Variants in UHRF2 observed in about 807,000 individuals in gnomAD.
The protein encoded by UHRF2 is E3 ubiquitin-protein ligase UHRF2.
Under a neutral mutation model 96.8 loss-of-function variants are expected in UHRF2, and 23 were observed. That is an observed-to-expected ratio of 0.24 (90% CI 0.17 to 0.34). The LOEUF is 0.34. Ranked by LOEUF, UHRF2 falls within the 10% of genes least tolerant of loss-of-function variation. The pLI is 1.00. For synonymous variants in UHRF2, 385 were observed against 332.6 expected (o/e 1.16, Z -1.72); for missense variants, 685 against 981.5 (o/e 0.70, Z 4.04).
rs539613475 is a variant in UHRF2, at chr9:6,494,730, G to A, written c.1604+798G>A. The A allele has an allele frequency of 2.4e-4, 36 of 152,204 alleles. No individual in the cohort carries two copies. In the South Asian group the frequency reaches 4.1e-3, roughly 18 times the overall value. 9.4% of individuals were successfully genotyped at this position (152,204 alleles called of 1,614,324 possible). ...ATCCTGTTACTAAGGGTATTTTGTCGATTGAGTAAAAGTGAGTGTTTTTCA... is the reference window on the plus strand; with the variant it reads ...ATCCTGTTACTAAGGGTATTTTGTCAATTGAGTAAAAGTGAGTGTTTTTCA... On this transcript the variant is annotated intron_variant, in intron 10 of 15. Coordinates refer to ENST00000276893, the MANE Select transcript of UHRF2 (RefSeq NM_152896.3).
At position 6,413,609 on chromosome 9, in the gene UHRF2, C is replaced by T; in HGVS notation, c.119C>T (p.Pro40Leu). The change falls in exon 1 of 16, where the codon CCC becomes CTC. Residue 40 changes from proline (P) to leucine (L), a missense_variant. Coordinates refer to ENST00000276893, the MANE Select transcript of UHRF2 (RefSeq NM_152896.3). ...GTGTGGGCGCTGTTCGACGTGCGGC[C>T]CGAATGCCAGCGCCTCTTCTACCGG... is the stretch of plus-strand genomic sequence containing the variant. Reference protein sequence around the residue: ...ERVWALFDVRPECQRLFYRGK... With the variant: ...ERVWALFDVRLECQRLFYRGK... The T allele has an allele frequency of 6.3e-7, 1 of 1,599,626 alleles. No individual in the cohort carries two copies. Among genetic ancestry groups the T allele is most frequent in the Non-Finnish European group, 8.5e-7 (1 of 1,173,984 alleles).
intron 14 of UHRF2, 24 bp from the exon 15 acceptor site, chr9:6,504,568 TC>T (rs1324224004): frequency 2.6e-6 from 4 of 1,568,188 alleles, no homozygotes; most frequent in Non-Finnish European, 3.5e-6. Context: ...AACTTTTCTT[TC>T]CTTATCCTTG....
intron 9 of UHRF2, among the ~76,000 whole-genome samples, chr9:6,488,535 CTTTTCTTTTTTT>C (rs1159159443): frequency 8.8e-5 from 10 of 113,478 alleles, no homozygotes; most frequent in African/African-American, 3.6e-4. Context: ...TTCTCTTTTT[CTTTTCTTTTTTT>C]TTTTTTTTTT....
intron 10 of UHRF2, chr9:6,496,941 C>G: frequency 2.8e-6 from 1 of 356,356 alleles, no homozygotes; most frequent in Non-Finnish European, 5.1e-6. Context: ...ATACGTGGCA[C>G]AGATGTTATT....
intron 3 of UHRF2, among the ~76,000 whole-genome samples, chr9:6,448,801 T>C (rs1319122918): frequency 3.3e-5 from 5 of 152,242 alleles, no homozygotes; most frequent in Non-Finnish European, 5.9e-5. Flanking sequence ...AGACTACTTG[T>C]CTTCATTGTA....
At chr9:6,413,784 C>T in intron 1 of UHRF2, 141 bp downstream of exon 1, 2 of 1,124,950 alleles carry the variant, frequency 1.8e-6, no homozygotes, top group South Asian at 2.4e-5. Context: ...CCCCGCGAGG[C>T]GCGGGGTGCG....
intron 8 of UHRF2, 51 bp downstream of exon 8, chr9:6,482,150 A>G (rs1446300437): frequency 7.1e-7 from 1 of 1,408,770 alleles, no homozygotes; most frequent in East Asian, 2.3e-5. Flanking sequence ...CTATCAGATT[A>G]TAGCAATGTT....
chr9:6,505,977 G>T (rs1174466418), intron 15 of UHRF2, 56 bp from the exon 16 acceptor site: 1 of 1,582,080 alleles, frequency 6.3e-7, no homozygotes. Flanking sequence ...ATAAGTTGCT[G>T]AGTACTTACA....
chr9:6,464,385 C>CT (rs1339565405), intron 4 of UHRF2, among the ~76,000 whole-genome samples: 1 of 152,030 alleles, frequency 6.6e-6, no homozygotes, highest in African/African-American at 2.4e-5. Flanking sequence ...TGTGGCTTGT[C>CT]TTTTTCTCCT....
At chr9:6,420,512 C>G (rs954145148) in intron 1 of UHRF2, among the ~76,000 whole-genome samples, 2 of 151,312 alleles carry the variant, frequency 1.3e-5, no homozygotes, top group Admixed American at 1.3e-4. Context: ...ACCATCCTGG[C>G]AAACACGGTG....
At chr9:6,476,266 CT>C (rs1823566176) in intron 5 of UHRF2, among the ~76,000 whole-genome samples, 1 of 152,032 alleles carries the variant, frequency 6.6e-6, no homozygotes, top group Admixed American at 6.5e-5. Context: ...ACCATATTGT[CT>C]TTTTATCTGT....
intron 3 of UHRF2, among the ~76,000 whole-genome samples, chr9:6,438,077 G>A (rs575712978): frequency 6.6e-6 from 1 of 152,332 alleles, no homozygotes; most frequent in Non-Finnish European, 1.5e-5. Flanking sequence ...TAAAACTACA[G>A]TGAAGAGTAG....
At chr9:6,437,659 C>T (rs566189488) in intron 3 of UHRF2, among the ~76,000 whole-genome samples, 1 of 150,166 alleles carries the variant, frequency 6.7e-6, no homozygotes, top group East Asian at 2.0e-4. Flanking sequence ...GCACTGTGGC[C>T]CAGGCTGGAG....
intron 9 of UHRF2, among the ~76,000 whole-genome samples, chr9:6,491,777 G>A (rs1201219693): frequency 6.6e-6 from 1 of 152,234 alleles, no homozygotes; most frequent in Non-Finnish European, 1.5e-5. Context: ...GCTGCTTTAT[G>A]TGAGCTCTTC....
intron 6 of UHRF2, among the ~76,000 whole-genome samples, chr9:6,478,952 A>G (rs939726004): frequency 2.6e-5 from 4 of 152,118 alleles, no homozygotes; most frequent in Admixed American, 2.6e-4. Flanking sequence ...TGGATGACAT[A>G]TTCCTGCTTC....
At chr9:6,489,182 C>G (rs993873348) in intron 9 of UHRF2, among the ~76,000 whole-genome samples, 1 of 152,124 alleles carries the variant, frequency 6.6e-6, no homozygotes, top group Non-Finnish European at 1.5e-5. Flanking sequence ...ATATATTAAC[C>G]TTTAGGATTG....
At chr9:6,477,510 G>A in intron 5 of UHRF2, 112 bp from the exon 6 acceptor site, 1 of 1,031,840 alleles carries the variant, frequency 9.7e-7, no homozygotes, top group Non-Finnish European at 1.4e-6. Flanking sequence ...TGGGTAACAA[G>A]AGCAAAACTC....
chr9:6,488,128 G>A lies in UHRF2; in HGVS notation c.1497+1203G>A, dbSNP rs12343008. On this transcript the variant is annotated intron_variant, in intron 9 of 15. Transcript: ENST00000276893. ...TGTGGTGGCATGTGCCTGTAGTCCC[G>A]GCTACCCAGGAGGATGAGGCAGGAG... is the stretch of plus-strand genomic sequence containing the variant. 6.9e-3 allele frequency among the ~76,000 whole-genome samples: 1,046 copies of A among 151,114 alleles called. 6 individuals carry two copies. The highest frequency in any genetic ancestry group is 0.023 in the African/African-American group (951 of 41,208).
intron 1 of UHRF2, among the ~76,000 whole-genome samples, chr9:6,419,259 C>G (rs1452708383): frequency 6.6e-6 from 1 of 152,140 alleles, no homozygotes; most frequent in African/African-American, 2.4e-5. Flanking sequence ...AAGACTGTTT[C>G]CAAATAAGGT....
Sources: allele counts gnomAD v4.1 joint callset (sites outside exome capture counted in the v4.1 genomes callset), GRCh38; gene constraint gnomAD v4.1.1; transcripts MANE v1.5; gene names NCBI Gene and HGNC (gene_info 2026-07-23, HGNC 2026-07-21).